The following RPTOR variants were observed in gnomAD, a reference collection of about 807,000 sequenced individuals.
The protein encoded by RPTOR is regulatory-associated protein of mTOR.
Under a neutral mutation model 169.9 loss-of-function variants are expected in RPTOR, and 21 were observed. The observed-to-expected ratio is 0.12, with a 90% confidence interval of 0.09 to 0.18. RPTOR has a LOEUF of 0.18. RPTOR is among the 10% of genes least tolerant of loss of function. The pLI, the probability that RPTOR is intolerant of heterozygous loss-of-function variation, is 1.00. For missense variants in RPTOR, 1,133 were observed against 1,855.9 expected, an observed-to-expected ratio of 0.61 and a Z score of 7.16; for synonymous variants, 732 against 753.2, an observed-to-expected ratio of 0.97 and a Z score of 0.46.
intron 21 of RPTOR, among the ~76,000 whole-genome samples, chr17:80,912,869 C>T (rs1229548898): frequency 6.6e-6 from 1 of 152,172 alleles, no homozygotes; most frequent in Non-Finnish European, 1.5e-5. Flanking sequence ...TCTAGAATGA[C>T]ACAGAGACCT....
intron 7 of RPTOR, among the ~76,000 whole-genome samples, chr17:80,812,129 TA>T (rs1487349388): frequency 6.6e-6 from 1 of 152,256 alleles, no homozygotes; most frequent in Non-Finnish European, 1.5e-5. Context: ...GATTTCTTAA[TA>T]TACTAAATTT....
chr17:80,574,455 C>T (rs566101231), intron 1 of RPTOR, among the ~76,000 whole-genome samples: 13 of 151,626 alleles, frequency 8.6e-5, no homozygotes, highest in Non-Finnish European at 1.3e-4. Context: ...CGTGAGCCAC[C>T]GCGCCCGGCC....
At chr17:80,919,902 C>T (rs957983474) in intron 21 of RPTOR, among the ~76,000 whole-genome samples, 2 of 152,228 alleles carry the variant, frequency 1.3e-5, no homozygotes, top group Admixed American at 6.5e-5. Flanking sequence ...CTGCAGGCTG[C>T]GAGTGAGCCG....
chr17:80,947,753 G>C lies in RPTOR; in HGVS notation c.3265+402G>C, dbSNP rs2069120651. Among the ~76,000 whole-genome samples the C allele has an allele frequency of 6.6e-6, 1 of 152,098 alleles. No individual in the cohort carries two copies. Among genetic ancestry groups the C allele is most frequent in the Non-Finnish European group, 1.5e-5 (1 of 68,012 alleles). ...CGGCCAGGGTCTCCTGGCATCGCTGGCTCATTTGCCAGTTGCTGTCCCCAC... is the reference window on the plus strand; with the variant it reads ...CGGCCAGGGTCTCCTGGCATCGCTGCCTCATTTGCCAGTTGCTGTCCCCAC... On this transcript the variant is annotated intron_variant, in intron 27 of 33. Coordinates refer to ENST00000306801, the MANE Select transcript of RPTOR (RefSeq NM_020761.3). This position sits in a 1 kb window ranked among gnomAD's most constrained non-coding sequence, Gnocchi z 4.4.
intron 1 of RPTOR, among the ~76,000 whole-genome samples, chr17:80,569,895 C>A (rs914560833): frequency 6.6e-6 from 1 of 152,116 alleles, no homozygotes; most frequent in Non-Finnish European, 1.5e-5. Context: ...CTCGTTGGAG[C>A]TTGAATGTTT....
intron 5 of RPTOR, among the ~76,000 whole-genome samples, chr17:80,735,841 G>T (rs2066429417): frequency 6.6e-6 from 1 of 152,134 alleles, no homozygotes; most frequent in South Asian, 2.1e-4. Flanking sequence ...TGACTTCCTG[G>T]AGAGCAGGTT....
chr17:80,649,590 C>G (rs2065623562), intron 3 of RPTOR, among the ~76,000 whole-genome samples: 1 of 152,116 alleles, frequency 6.6e-6, no homozygotes, highest in Non-Finnish European at 1.5e-5. Context: ...GTGTGAAGCA[C>G]TTTGCCTGTG....
At chr17:80,657,375 A>G (rs1371531008) in intron 3 of RPTOR, among the ~76,000 whole-genome samples, 3 of 152,206 alleles carry the variant, frequency 2.0e-5, no homozygotes, top group African/African-American at 7.2e-5. Context: ...CCAGATTTTT[A>G]GGATCTTATA....
At chr17:80,574,551 G>A (rs1443618884) in intron 1 of RPTOR, among the ~76,000 whole-genome samples, 1 of 152,040 alleles carries the variant, frequency 6.6e-6, no homozygotes, top group Non-Finnish European at 1.5e-5. Context: ...AAATTTATAG[G>A]CATAAAGTTG....
intron 1 of RPTOR, among the ~76,000 whole-genome samples, chr17:80,561,794 GTGTC>G (rs1374374350): frequency 6.6e-6 from 1 of 152,118 alleles, no homozygotes; most frequent in Non-Finnish European, 1.5e-5. Context: ...ATGTGTATAT[GTGTC>G]TGAGTGTGTA....
Position 80,857,730 on chromosome 17 carries a change from CT to C in RPTOR, c.1399-59del, listed in dbSNP as rs572165474. The C allele has an allele frequency of 9.9e-5, 126 of 1,267,928 alleles. No homozygotes were observed. In the African/African-American group the frequency reaches 1.7e-3, roughly 17 times the overall value. 78.5% of individuals were successfully genotyped at this position (1,267,928 alleles called of 1,614,324 possible). ...CCGCAGCTGGTCCCGCGTGGCACCC[CT>C]GCTGCTGCCCGTTCCCTTGCTGCGG... On this transcript the variant is annotated intron_variant, in intron 12 of 33. Coordinates refer to ENST00000306801, the MANE Select transcript of RPTOR (RefSeq NM_020761.3).
chr17:80,760,300 C>CTTTTTTTTTTT lies in RPTOR; in HGVS notation c.830+6121_830+6122insTTTTTTTTTTT, dbSNP rs1479994551. Among the ~76,000 whole-genome samples, 20 of 96,500 alleles carry CTTTTTTTTTTT rather than the reference C, an allele frequency of 2.1e-4. 2 individuals are homozygous for CTTTTTTTTTTT. The highest frequency in any genetic ancestry group is 2.7e-4 in the Admixed American group (2 of 7,502). 63.3% of individuals were successfully genotyped at this position (96,500 alleles called of 152,430 possible). A position where few individuals can be genotyped will look rare whatever the true frequency, so the allele number is the denominator to read the frequency against. On this transcript the variant is annotated intron_variant, in intron 6 of 33. Coordinates refer to ENST00000306801, the MANE Select transcript of RPTOR (RefSeq NM_020761.3). The stretch of plus-strand genomic sequence containing the variant: ...GTGTTCCAGTCGAGCTTTCTTTTTT[C>CTTTTTTTTTTT]TTTTTTCTTTTTTTTTTTTTTGAGA...
intron 20 of RPTOR, among the ~76,000 whole-genome samples, chr17:80,906,053 A>G (rs2068538271): frequency 6.6e-6 from 1 of 152,210 alleles, no homozygotes; most frequent in Admixed American, 6.5e-5. Flanking sequence ...GTGGGCAGTC[A>G]TCAACGGGCA....
intron 3 of RPTOR, among the ~76,000 whole-genome samples, chr17:80,656,568 T>TG (rs1163433580): frequency 6.6e-6 from 1 of 152,208 alleles, no homozygotes; most frequent in Non-Finnish European, 1.5e-5. Context: ...ACCATGATTT[T>TG]TTTTACTTTA....
In RPTOR at chr17:80,854,680, G is replaced by A. The variant is rs183415871; in HGVS notation, c.1315-784G>A. 5.6e-4 allele frequency among the ~76,000 whole-genome samples: 85 copies of A among 152,340 alleles called. 1 individual carries two copies. The highest frequency in any genetic ancestry group is 1.1e-3 in the Non-Finnish European group (76 of 68,032). On this transcript the variant is annotated intron_variant, in intron 11 of 33. Coordinates refer to ENST00000306801, the MANE Select transcript of RPTOR (RefSeq NM_020761.3). The stretch of plus-strand genomic sequence containing the variant: ...AGGCTGAAGCGGGAGGGTTGCTTGA[G>A]CCAGAAGTTCAAGACCTGCATGGGC...
At chr17:80,809,945 G>A (rs1469006629) in intron 7 of RPTOR, among the ~76,000 whole-genome samples, 1 of 152,124 alleles carries the variant, frequency 6.6e-6, no homozygotes, top group Admixed American at 6.6e-5. Context: ...GCTGAGGCAG[G>A]AGAATCGCTT....
intron 28 of RPTOR, among the ~76,000 whole-genome samples, chr17:80,950,708 G>A (rs914688039): frequency 3.3e-5 from 5 of 152,198 alleles, no homozygotes; most frequent in African/African-American, 1.2e-4. Flanking sequence ...CCCTGGTCCA[G>A]GAGGGGTCCC....
intron 1 of RPTOR, among the ~76,000 whole-genome samples, chr17:80,598,791 A>C (rs1357849845): frequency 3.3e-5 from 5 of 152,234 alleles, no homozygotes; most frequent in Non-Finnish European, 5.9e-5. Context: ...TAGAATCCAG[A>C]AGAGCTGCTC....
At chr17:80,586,612 T>G (rs936915106) in intron 1 of RPTOR, among the ~76,000 whole-genome samples, 9 of 152,144 alleles carry the variant, frequency 5.9e-5, no homozygotes, top group African/African-American at 1.9e-4. Context: ...CTCCCCTCTC[T>G]CCTCCCCCTC....
Sources: allele counts gnomAD v4.1 joint callset (sites outside exome capture counted in the v4.1 genomes callset), GRCh38; gene constraint gnomAD v4.1.1; non-coding constraint Gnocchi (gnomAD v3.1); transcripts MANE v1.5; gene names NCBI Gene and HGNC (gene_info 2026-07-23, HGNC 2026-07-21).